The following RBFOX1 variants were observed in gnomAD, a reference collection of about 807,000 sequenced individuals.
RBFOX1 encodes RNA binding protein fox-1 homolog 1.
Under a neutral mutation model 57.7 loss-of-function variants are expected in RBFOX1, and 8 were observed. That is an observed-to-expected ratio of 0.14 (90% CI 0.08 to 0.25). RBFOX1 has a LOEUF of 0.25. Ranked by LOEUF, RBFOX1 falls within the 10% of genes least tolerant of loss-of-function variation. The probability of loss-of-function intolerance (pLI) is 1.00; values close to 1 mark genes in which losing one functional copy is unlikely to be tolerated. For missense variants in RBFOX1, 611 were observed against 548.5 expected (o/e 1.11, Z -1.14); for synonymous variants, 326 against 222.4 (o/e 1.47, Z -4.15).
chr16:7,285,350 C>G (rs1213129750), intron 4 of RBFOX1, among the ~76,000 whole-genome samples: 1 of 151,582 alleles, frequency 6.6e-6, no homozygotes, highest in Admixed American at 6.6e-5. Context: ...TGATTTTATT[C>G]AAATTTCCCC....
intron 3 of RBFOX1, among the ~76,000 whole-genome samples, chr16:5,853,115 A>G (rs2056937993): frequency 6.6e-6 from 1 of 150,916 alleles, no homozygotes; most frequent in African/African-American, 2.4e-5. Flanking sequence ...TGTGTAGAGA[A>G]AGGAGGCAGC....
chr16:6,586,607 C>T (rs1242315771), intron 2 of RBFOX1, among the ~76,000 whole-genome samples: 2 of 152,172 alleles, frequency 1.3e-5, no homozygotes, highest in Non-Finnish European at 2.9e-5. Context: ...AGGAATACTT[C>T]TTCCCACATT....
intron 4 of RBFOX1, among the ~76,000 whole-genome samples, chr16:5,921,579 A>C (rs1312252463): frequency 6.6e-6 from 1 of 152,186 alleles, no homozygotes; most frequent in African/African-American, 2.4e-5. Context: ...ATTTCTGGAA[A>C]GGTAATGAAG....
intron 4 of RBFOX1, among the ~76,000 whole-genome samples, chr16:7,405,443 G>A (rs1000084660): frequency 6.6e-6 from 1 of 152,196 alleles, no homozygotes. Flanking sequence ...TGAGCTCCGG[G>A]CGAAGTGTGT....
At chr16:6,533,998 TACAC>T (rs1197880923) in intron 2 of RBFOX1, among the ~76,000 whole-genome samples, 3 of 152,060 alleles carry the variant, frequency 2.0e-5, no homozygotes, top group Admixed American at 2.0e-4. Context: ...CACACACACA[TACAC>T]ACATATACAT....
At chr16:5,790,747 G>T (rs150418197) in intron 3 of RBFOX1, among the ~76,000 whole-genome samples, 1 of 152,090 alleles carries the variant, frequency 6.6e-6, no homozygotes, top group African/African-American at 2.4e-5. Flanking sequence ...TGCTGGGTGC[G>T]TGCTCTGCAT....
intron 2 of RBFOX1, among the ~76,000 whole-genome samples, chr16:6,331,172 C>T (rs897299428): frequency 9.2e-5 from 14 of 152,198 alleles, no homozygotes; most frequent in Non-Finnish European, 1.6e-4. Flanking sequence ...AGTCTGGGGC[C>T]GGGCCCAGTG....
intron 1 of RBFOX1, among the ~76,000 whole-genome samples, chr16:6,082,205 G>A (rs1229824088): frequency 1.5e-5 from 2 of 130,082 alleles, no homozygotes; most frequent in African/African-American, 3.2e-5. Context: ...TTTTGAGATG[G>A]ATCCTTACTC....
At chr16:6,334,476 C>T (rs1434354381) in intron 2 of RBFOX1, among the ~76,000 whole-genome samples, 3 of 142,022 alleles carry the variant, frequency 2.1e-5, no homozygotes, top group Non-Finnish European at 4.5e-5. Flanking sequence ...CCACTGCACT[C>T]CAGCCTGGAC....
chr16:6,816,278 G>A lies in RBFOX1; in HGVS notation c.-16+161628G>A, dbSNP rs112918029. On this transcript the variant is annotated intron_variant, in intron 3 of 15. Transcript: ENST00000550418. ...AAGCTATGATCACACTATTGCACTC[G>A]CACTTGAGCCACAGGGTAAGACCTT... Among the ~76,000 whole-genome samples the A allele has an allele frequency of 2.0e-3, 302 of 152,226 alleles. 1 individual carries two copies. Among genetic ancestry groups the A allele is most frequent in the African/African-American group, 4.5e-3 (186 of 41,534 alleles).
At position 6,140,203 on chromosome 16, in the gene RBFOX1, T is replaced by TC. The variant is rs201444009; in HGVS notation, c.-127+120212dup. Among the ~76,000 whole-genome samples the TC allele has an allele frequency of 2.9e-5, 4 of 136,372 alleles. No individual in the cohort carries two copies. In the East Asian group the frequency reaches 7.9e-4, roughly 27 times the overall value. The allele number at this position is 136,372 out of a possible 152,430, so 89.5% of individuals were successfully genotyped here. ...TGGAAATGACTTTTTTTTTTTTTTT[T>TC]CTTTTGAGACGGAGTTTCATGCTTC... On this transcript the variant is annotated intron_variant, in intron 1 of 15. Transcript: ENST00000550418.
chr16:6,933,495 C>CT (rs2076890467), intron 3 of RBFOX1, among the ~76,000 whole-genome samples: 1 of 152,214 alleles, frequency 6.6e-6, no homozygotes, highest in South Asian at 2.1e-4. Flanking sequence ...GGCAGATCAC[C>CT]TGAGGTCAGG....
chr16:7,665,093 C>T lies in RBFOX1; in HGVS notation c.930+125C>T, dbSNP rs534738642. On this transcript the variant is annotated intron_variant, in intron 13 of 15. Coordinates refer to ENST00000550418, the MANE Select transcript of RBFOX1 (RefSeq NM_018723.4). ...TCTCCTTGGTCTGTAGGAAATAATT[C>T]CGTGGTTTGTCTTGCAGGACAGAAA... The T allele has an allele frequency of 2.9e-4, 464 of 1,583,152 alleles. No individual in the cohort carries two copies. The African/African-American group carries it at 5.8e-3, about 20-fold the overall frequency.
chr16:7,327,660 C>A (rs371494129), intron 4 of RBFOX1, among the ~76,000 whole-genome samples: 2 of 152,166 alleles, frequency 1.3e-5, no homozygotes, highest in African/African-American at 4.8e-5. Context: ...GTTGATCCTA[C>A]AGTGAGCTCC....
intron 3 of RBFOX1, among the ~76,000 whole-genome samples, chr16:5,755,198 C>G (rs2053349660): frequency 7.6e-6 from 1 of 132,408 alleles, no homozygotes; most frequent in South Asian, 2.9e-4. Flanking sequence ...TGACACAGCA[C>G]ACGTTTCAGA....
At chr16:6,160,253 T>A (rs1224740084) in intron 1 of RBFOX1, among the ~76,000 whole-genome samples, 1 of 152,198 alleles carries the variant, frequency 6.6e-6, no homozygotes, top group East Asian at 1.9e-4. Flanking sequence ...CTGTCAATTG[T>A]TGCCTCTGTT....
intron 2 of RBFOX1, among the ~76,000 whole-genome samples, chr16:6,537,506 G>C (rs946355808): frequency 6.6e-6 from 1 of 152,194 alleles, no homozygotes; most frequent in African/African-American, 2.4e-5. Context: ...TAAGCTTACA[G>C]ATGTTTAGTG....
intron 4 of RBFOX1, among the ~76,000 whole-genome samples, chr16:7,231,632 C>A (rs935846098): frequency 2.6e-5 from 4 of 152,136 alleles, no homozygotes; most frequent in African/African-American, 9.7e-5. Context: ...AAAGCAAAGA[C>A]AACCCAAATG....
chr16:5,701,104 G>T (rs1354711741), intron 3 of RBFOX1, among the ~76,000 whole-genome samples: 1 of 110,724 alleles, frequency 9.0e-6, no homozygotes, highest in African/African-American at 2.6e-5. Flanking sequence ...GATGATACCA[G>T]AAAATGCCTG....
Sources: allele counts gnomAD v4.1 joint callset (sites outside exome capture counted in the v4.1 genomes callset), GRCh38; gene constraint gnomAD v4.1.1; transcripts MANE v1.5; gene names NCBI Gene and HGNC (gene_info 2026-07-23, HGNC 2026-07-21).